Variants in USP45 observed in about 807,000 individuals in gnomAD.
The protein encoded by USP45 is ubiquitin specific peptidase 45, also known as ubiquitin carboxyl-terminal hydrolase 45.
USP45 carries 89 observed loss-of-function variants against 95.8 expected under a neutral mutation model. The ratio of observed to expected loss-of-function variants is 0.93; its 90% CI spans 0.78 to 1.11. The LOEUF (loss-of-function observed/expected upper bound fraction) is 1.11, where lower values mean the gene tolerates loss of function less well. Ranked by LOEUF, USP45 falls within the 50% of genes least tolerant of loss-of-function variation. The pLI is 0.00. For missense variants in USP45, 898 were observed against 942.5 expected (o/e 0.95, Z 0.62); for synonymous variants, 281 against 316.2 (o/e 0.89, Z 1.18).
chr6:99,494,881 G>A (rs1162312275), intron 5 of USP45, among the ~76,000 whole-genome samples: 1 of 151,980 alleles, frequency 6.6e-6, no homozygotes, highest in African/African-American at 2.4e-5. Context: ...GTGACAGAGT[G>A]AGACTGTTTC....
intron 17 of USP45, 107 bp downstream of exon 17, chr6:99,437,131 AAAGCAAGC>A (rs1164030624): frequency 1.0e-6 from 1 of 990,856 alleles, no homozygotes; most frequent in Admixed American, 2.7e-5. Flanking sequence ...AAGTTAAAAT[AAAGCAAGC>A]AAGCAAATCC....
At chr6:99,461,151 C>T (rs367984498) in intron 13 of USP45, 4 of 984,590 alleles carry the variant, frequency 4.1e-6, no homozygotes, top group East Asian at 2.3e-4. Flanking sequence ...TGTGTTGAAG[C>T]AACTCAGAGA....
At chr6:99,471,967 C>T (rs1789504372) in intron 9 of USP45, among the ~76,000 whole-genome samples, 1 of 152,158 alleles carries the variant, frequency 6.6e-6, no homozygotes, top group Non-Finnish European at 1.5e-5. Context: ...CCATTTAAAG[C>T]CTTCAAATAG....
rs1366348443 is a variant in USP45, at chr6:99,464,569, A to G, written c.1308+35T>C. ...TGAAACTTTTGTTAATAAACTGTTA[A>G]AAAACAGACGTCTAACAGATGCTTA... On this transcript the variant is annotated intron_variant, in intron 13 of 17. Coordinates refer to ENST00000500704, the MANE Select transcript of USP45 (RefSeq NM_001346022.3). The G allele has an allele frequency of 2.5e-6, 4 of 1,588,734 alleles. No individual in the cohort carries two copies. The African/African-American group carries it at 5.5e-5, about 22-fold the overall frequency.
chr6:99,447,765 C>T (rs571267624), intron 13 of USP45, among the ~76,000 whole-genome samples: 3 of 152,334 alleles, frequency 2.0e-5, no homozygotes, highest in Admixed American at 6.5e-5. Context: ...GGTCCCTGAC[C>T]TCCGAGTAGC....
At chr6:99,465,735 G>A (rs1787796905) in intron 11 of USP45, among the ~76,000 whole-genome samples, 1 of 152,014 alleles carries the variant, frequency 6.6e-6, no homozygotes, top group South Asian at 2.1e-4. Flanking sequence ...TCTGGGACAG[G>A]AAAATGAATA....
chr6:99,460,917 C>T, intron 13 of USP45: 1 of 977,972 alleles, frequency 1.0e-6, no homozygotes, highest in Non-Finnish European at 1.2e-6. Flanking sequence ...CAGAAATAAA[C>T]AACAGATGGG....
chr6:99,450,818 T>C (rs1039789594), intron 13 of USP45, among the ~76,000 whole-genome samples: 4 of 152,048 alleles, frequency 2.6e-5, no homozygotes, highest in African/African-American at 9.7e-5. Context: ...CAGCAGCACA[T>C]CAAAAAGCTT....
intron 16 of USP45, among the ~76,000 whole-genome samples, chr6:99,437,947 T>A (rs547165277): frequency 3.3e-5 from 5 of 152,258 alleles, no homozygotes; most frequent in Admixed American, 3.3e-4. Context: ...CGTAAGCCAC[T>A]GAGCCTGGCC....
rs745960679 is a variant in USP45 at position 99,446,394 on chromosome 6, T to G, written c.1378A>C (p.Asn460His). 8.7e-6 allele frequency: 14 copies of G among 1,614,192 alleles called. No individual in the cohort carries two copies. Among genetic ancestry groups the G allele is most frequent in the Non-Finnish European group, 1.1e-5 (13 of 1,180,042 alleles). ...TCCCCATTCATTTCAAGGTTTTCAT[T>G]TTTCTGGTATGTGACAGTTTCTCCA... ...SSGETVTYQK[N>H]ENLEMNGDSL... Residue 460 changes from asparagine (N) to histidine (H), a missense_variant, in exon 14 of 18, where the codon AAT (asparagine) becomes CAT (histidine). Physicochemically the swap from Asn to His is moderately conservative, Grantham distance 68. Transcript: ENST00000500704.
At chr6:99,515,735 G>A (rs1434079639), upstream of USP45, among the ~76,000 whole-genome samples, 14 of 149,640 alleles carry the variant, frequency 9.4e-5, no homozygotes, top group African/African-American at 3.2e-4. Flanking sequence ...TTCTGAAACA[G>A]CCTCCGATTT....
intron 7 of USP45, among the ~76,000 whole-genome samples, chr6:99,483,366 G>T (rs940392692): frequency 6.6e-6 from 1 of 152,142 alleles, no homozygotes; most frequent in Non-Finnish European, 1.5e-5. Flanking sequence ...TTTTAAAGGG[G>T]AGAGACATAA....
At chr6:99,515,659 T>G (rs1397595178), upstream of USP45, among the ~76,000 whole-genome samples, 2 of 151,906 alleles carry the variant, frequency 1.3e-5, no homozygotes, top group Non-Finnish European at 2.9e-5. Context: ...GTTAGGATCC[T>G]GGGCCAGCGT....
chr6:99,450,604 T>C (rs1783636207), intron 13 of USP45, among the ~76,000 whole-genome samples: 2 of 152,062 alleles, frequency 1.3e-5, no homozygotes, highest in Non-Finnish European at 2.9e-5. Context: ...CTACCAGAGG[T>C]ACAAGGAGGA....
At chr6:99,502,286 A>T (rs1413090448) in intron 5 of USP45, among the ~76,000 whole-genome samples, 1 of 152,280 alleles carries the variant, frequency 6.6e-6, no homozygotes, top group East Asian at 1.9e-4. Context: ...ACTTTGCCCT[A>T]TGCATCTCTT....
rs374229324 is a variant in USP45, at chr6:99,493,185, C to A, written c.479-4365G>T. ...GGGATTACAGGCACATGCCACCACA[C>A]CTGGCTAATTTTATATTTTTAGTAG... is the stretch of plus-strand genomic sequence containing the variant. On this transcript the variant is annotated intron_variant, in intron 5 of 17. Transcript: ENST00000500704. Among the ~76,000 whole-genome samples, 3 of 151,880 alleles carry A rather than the reference C, an allele frequency of 2.0e-5. No homozygotes were observed. The East Asian group carries it at 5.9e-4, about 30-fold the overall frequency.
In USP45 at chr6:99,494,657, G is replaced by A. The variant is rs377734174; in HGVS notation, c.479-5837C>T. On this transcript the variant is annotated intron_variant, in intron 5 of 17. Transcript: ENST00000500704. ...TGCCTGTAATCCCAGCACTTTGGGA[G>A]CCAAGGTGGCAGGATCACTTAAAGT... Among the ~76,000 whole-genome samples, 79 of 152,260 alleles carry A rather than the reference G, an allele frequency of 5.2e-4. 1 individual carries two copies. In the South Asian group the frequency reaches 9.1e-3, roughly 18 times the overall value.
Position 99,445,980 on chromosome 6 carries a change from A to G in USP45, c.1792T>C (p.Tyr598His), listed in dbSNP as rs2128552673. 1 of 1,614,042 alleles carries G rather than the reference A, an allele frequency of 6.2e-7. No individual in the cohort carries two copies. Among genetic ancestry groups the G allele is most frequent in the Non-Finnish European group, 8.5e-7 (1 of 1,180,010 alleles). ...CFLEGKHLRS[Y>H]SPQNAFQTLS... is the part of the protein sequence containing the mutation. Reference sequence around the variant, plus strand: ...GTCTGAAAAGCATTTTGGGGACTATAAGACCTCAAATGCTTCCCCTCTAAA... The same window carrying G: ...GTCTGAAAAGCATTTTGGGGACTATGAGACCTCAAATGCTTCCCCTCTAAA... Residue 598 changes from tyrosine to histidine, a missense_variant, in exon 14 of 18, where the codon TAT (tyrosine) becomes CAT (histidine). Transcript: ENST00000500704.
rs372387874 is a variant in USP45, at chr6:99,466,475, C to T, written c.1107+197G>A. Among the ~76,000 whole-genome samples the T allele has an allele frequency of 2.6e-5, 4 of 152,152 alleles. No homozygotes were observed. In the East Asian group the frequency reaches 7.7e-4, roughly 29 times the overall value. On this transcript the variant is annotated intron_variant, in intron 11 of 17. Transcript: ENST00000500704. ...CATGAGGAAAAATAACACAAAAATA[C>T]ATTTACTTTTAAAAATATATAAATT...
Sources: gnomAD v4.1 joint callset for allele counts (sites outside exome capture counted in the v4.1 genomes callset) on GRCh38, gnomAD v4.1.1 for gene constraint, MANE v1.5 for transcripts, NCBI Gene and HGNC (gene_info 2026-07-23, HGNC 2026-07-21) for gene names.